The following LIN54 variants were observed in gnomAD, a reference collection of about 807,000 sequenced individuals.
LIN54 encodes the protein protein lin-54 homolog.
LIN54 carries 9 observed loss-of-function variants against 78.7 expected under a neutral mutation model. The observed-to-expected ratio is 0.11, with a 90% CI of 0.07 to 0.20. The LOEUF (loss-of-function observed/expected upper bound fraction) is 0.20, where lower values mean the gene tolerates loss of function less well. Ranked by LOEUF, LIN54 falls within the 10% of genes least tolerant of loss-of-function variation. The pLI, the probability that LIN54 is intolerant of heterozygous loss-of-function variation, is 1.00. For missense variants in LIN54, 573 were observed against 889.9 expected (o/e 0.64, Z 4.53); for synonymous variants, 269 against 318.4 (o/e 0.84, Z 1.65).
At chr4:82,981,057 G>T (rs1726593047) in intron 2 of LIN54, among the ~76,000 whole-genome samples, 1 of 151,974 alleles carries the variant, frequency 6.6e-6, no homozygotes. Flanking sequence ...GAATTCTAAA[G>T]TATCCTGGAA....
At chr4:82,940,369 C>T (rs183657672) in intron 5 of LIN54, among the ~76,000 whole-genome samples, 1 of 152,268 alleles carries the variant, frequency 6.6e-6, no homozygotes, top group East Asian at 1.9e-4. Context: ...TCTATTCAAA[C>T]CAGAGAATAT....
intron 1 of LIN54, among the ~76,000 whole-genome samples, chr4:82,989,304 C>T (rs546993303): frequency 6.6e-6 from 1 of 152,216 alleles, no homozygotes; most frequent in South Asian, 2.1e-4. Context: ...GGTTTTGGGA[C>T]ACCAAAGTAC....
intron 3 of LIN54, among the ~76,000 whole-genome samples, chr4:82,971,884 T>C (rs1412144109): frequency 6.6e-6 from 1 of 152,184 alleles, no homozygotes; most frequent in Non-Finnish European, 1.5e-5. Context: ...CTCTAACCTT[T>C]AGATACTATG....
intron 1 of LIN54, among the ~76,000 whole-genome samples, chr4:82,993,015 G>A (rs535025188): frequency 2.1e-5 from 3 of 141,314 alleles, no homozygotes; most frequent in East Asian, 4.4e-4. Context: ...GTGACAAAGC[G>A]AGACTCTGTC....
At chr4:82,988,198 C>A (rs1727338529) in intron 1 of LIN54, among the ~76,000 whole-genome samples, 1 of 152,088 alleles carries the variant, frequency 6.6e-6, no homozygotes, top group Non-Finnish European at 1.5e-5. Context: ...TGGGTCTGTT[C>A]TATCACTAAA....
At chr4:82,993,909 C>T (rs1437337397) in intron 1 of LIN54, among the ~76,000 whole-genome samples, 1 of 152,096 alleles carries the variant, frequency 6.6e-6, no homozygotes, top group Non-Finnish European at 1.5e-5. Flanking sequence ...AGCCACTACG[C>T]CTGGCCTGAT....
At chr4:83,011,604 C>T (rs1729857502), upstream of LIN54, among the ~76,000 whole-genome samples, 1 of 151,476 alleles carries the variant, frequency 6.6e-6, no homozygotes, top group Non-Finnish European at 1.5e-5. Context: ...AAAAAAAAAC[C>T]ATCTGCTGCT....
intron 4 of LIN54, among the ~76,000 whole-genome samples, chr4:82,956,979 G>A (rs535435401): frequency 1.3e-5 from 2 of 152,148 alleles, no homozygotes; most frequent in East Asian, 3.9e-4. Flanking sequence ...CTATATATAA[G>A]ATAAAAATTT....
intron 1 of LIN54, among the ~76,000 whole-genome samples, chr4:82,998,064 GTA>G (rs68129345): frequency 0.21 from 26,756 of 127,894 alleles, 2,781 homozygotes; most frequent in South Asian, 0.35. Context: ...ATATATACAC[GTA>G]TATATATATA....
At chr4:83,011,275 A>G (rs1729841411), upstream of LIN54, among the ~76,000 whole-genome samples, 1 of 152,206 alleles carries the variant, frequency 6.6e-6, no homozygotes, top group Admixed American at 6.5e-5. Context: ...CTATTTCCAT[A>G]TGCATGTTCG....
intron 4 of LIN54, among the ~76,000 whole-genome samples, chr4:82,954,157 T>C (rs1724086932): frequency 6.6e-6 from 1 of 152,022 alleles, no homozygotes; most frequent in African/African-American, 2.4e-5. Context: ...AATTCACACA[T>C]GAAGAGACTA....
At chr4:82,983,183 AT>A (rs1224254910) in intron 2 of LIN54, among the ~76,000 whole-genome samples, 2 of 151,620 alleles carry the variant, frequency 1.3e-5, no homozygotes, top group Non-Finnish European at 2.9e-5. Flanking sequence ...AATTTTTTGT[AT>A]TTTTAGTAGA....
intron 3 of LIN54, among the ~76,000 whole-genome samples, chr4:82,977,366 C>T (rs958233695): frequency 7.9e-5 from 12 of 152,124 alleles, no homozygotes; most frequent in Non-Finnish European, 1.8e-4. Context: ...AAACCCTTTC[C>T]AGTATTTTCT....
chr4:83,010,481 T>C lies in LIN54; in HGVS notation c.-33+3A>G, dbSNP rs908333182. On this transcript the variant is annotated splice_donor_region_variant and intron_variant, in intron 1 of 12. Coordinates refer to ENST00000340417, the MANE Select transcript of LIN54 (RefSeq NM_194282.4). Reference sequence around the variant, plus strand: ...AGCCCTCGGGTACCCCATCCTCCTCTACCTCCAGCGGCTGCCGCTTTCTCC... The same window carrying C: ...AGCCCTCGGGTACCCCATCCTCCTCCACCTCCAGCGGCTGCCGCTTTCTCC... 207 of 988,624 alleles carry C rather than the reference T, an allele frequency of 2.1e-4. No homozygotes were observed. The highest frequency in any genetic ancestry group is 2.4e-4 in the Non-Finnish European group (204 of 837,892). 61.2% of individuals were successfully genotyped at this position (988,624 alleles called of 1,614,324 possible).
At chr4:82,935,856 A>G in intron 11 of LIN54, 125 bp downstream of exon 11, 1 of 941,810 alleles carries the variant, frequency 1.1e-6, no homozygotes, top group Non-Finnish European at 1.7e-6. Context: ...GGGCCTTTGC[A>G]CCAACTGTGC....
At chr4:82,983,194 A>G (rs774784497) in intron 2 of LIN54, among the ~76,000 whole-genome samples, 37 of 152,038 alleles carry the variant, frequency 2.4e-4, no homozygotes, top group Admixed American at 5.2e-4. Context: ...TTTTTAGTAG[A>G]GATGAGGTTT....
chr4:82,975,831 G>A (rs1010454739), intron 3 of LIN54, among the ~76,000 whole-genome samples: 2 of 152,066 alleles, frequency 1.3e-5, no homozygotes, highest in African/African-American at 4.8e-5. Flanking sequence ...TATGACTAAT[G>A]GATAACTCAA....
At chr4:82,939,355 T>C (rs1281033218) in intron 7 of LIN54, among the ~76,000 whole-genome samples, 184 bp downstream of exon 7, 1 of 152,238 alleles carries the variant, frequency 6.6e-6, no homozygotes, top group Admixed American at 6.5e-5. Flanking sequence ...ACCTGTGTTA[T>C]ATATTTCTAA....
chr4:83,002,389 G>A (rs1355776796), intron 1 of LIN54, among the ~76,000 whole-genome samples: 1 of 142,242 alleles, frequency 7.0e-6, no homozygotes, highest in African/African-American at 2.6e-5. Flanking sequence ...AAGGGTGAGG[G>A]AGGAAGGAAG....
Sources: gnomAD v4.1 joint callset for allele counts (sites outside exome capture counted in the v4.1 genomes callset) on GRCh38, gnomAD v4.1.1 for gene constraint, MANE v1.5 for transcripts, NCBI Gene and HGNC (gene_info 2026-07-23, HGNC 2026-07-21) for gene names.